The following ANK2 variants were observed in gnomAD, a reference collection of about 807,000 sequenced individuals.
ANK2 encodes ankyrin-2.
Under a neutral mutation model 360.5 loss-of-function variants are expected in ANK2, and 83 were observed. The observed-to-expected ratio is 0.23, with a 90% confidence interval of 0.19 to 0.28. The LOEUF (loss-of-function observed/expected upper bound fraction) is 0.28. Among genes scored for constraint, ANK2 ranks in the 10% least tolerant of loss-of-function variants. ANK2 has a pLI of 1.00. For synonymous variants in ANK2, 1,740 were observed against 1,759.5 expected, an observed-to-expected ratio of 0.99 and a Z score of 0.28; for missense variants, 4,201 against 4,795.7, an observed-to-expected ratio of 0.88 and a Z score of 3.66.
intron 2 of ANK2, among the ~76,000 whole-genome samples, chr4:112,934,358 C>T (rs1243045777): frequency 1.3e-5 from 2 of 152,216 alleles, no homozygotes; most frequent in Non-Finnish European, 2.9e-5. Context: ...GAGAAACATT[C>T]CAGCTGTCTG....
Position 112,870,160 on chromosome 4 carries a change from G to A in ANK2, c.-39-34295G>A, listed in dbSNP as rs144545068. The stretch of plus-strand genomic sequence containing the variant: ...ACTACAGGTGCCCGCCACCACACCC[G>A]GCTAATTTTTGTATTTAGAGATGGG... On this transcript the variant is annotated intron_variant, in intron 1 of 30. Transcript: ENST00000503271. Among the ~76,000 whole-genome samples, 1,088 of 151,776 alleles carry A rather than the reference G, an allele frequency of 7.2e-3. 12 individuals carry two copies. The highest frequency in any genetic ancestry group is 0.024 in the African/African-American group (988 of 41,414).
At chr4:112,766,382 A>G in the ANK2 span, among the ~76,000 whole-genome samples, 1 of 152,076 alleles carries the variant, frequency 6.6e-6, no homozygotes, top group African/African-American at 2.4e-5. Flanking sequence ...TGTAAAGCAG[A>G]CTATTTTGCC....
chr4:112,813,234 T>C (rs1299577212), upstream of ANK2, among the ~76,000 whole-genome samples: 1 of 94,194 alleles, frequency 1.1e-5, no homozygotes, highest in Non-Finnish European at 2.2e-5. Flanking sequence ...TGAGACTCTG[T>C]CTAAAAAAAA....
intron 1 of ANK2, among the ~76,000 whole-genome samples, chr4:112,832,883 G>T (rs548447968): frequency 6.6e-6 from 1 of 152,322 alleles, no homozygotes; most frequent in Non-Finnish European, 1.5e-5. Flanking sequence ...CTGTATACTT[G>T]TGTTTAAGCA....
At chr4:113,034,363 T>A (rs549918764) in intron 2 of ANK2, among the ~76,000 whole-genome samples, 56 of 152,106 alleles carry the variant, frequency 3.7e-4, no homozygotes, top group African/African-American at 1.3e-3. Flanking sequence ...ATCTATTCAA[T>A]TGATCAAGAA....
the ANK2 span, among the ~76,000 whole-genome samples, chr4:112,784,117 G>T: frequency 6.6e-6 from 1 of 152,010 alleles, no homozygotes; most frequent in Non-Finnish European, 1.5e-5. Flanking sequence ...ATTTTCTTGT[G>T]ATAAGCAATG....
At chr4:113,262,228 T>G (rs2053334835) in intron 13 of ANK2, among the ~76,000 whole-genome samples, 1 of 152,110 alleles carries the variant, frequency 6.6e-6, no homozygotes, top group Non-Finnish European at 1.5e-5. Flanking sequence ...TTGAGGAGTA[T>G]TGTTTTTGTT....
chr4:113,043,823 A>T (rs983027557), intron 2 of ANK2, among the ~76,000 whole-genome samples: 1 of 152,144 alleles, frequency 6.6e-6, no homozygotes, highest in African/African-American at 2.4e-5. Context: ...GACACAAAGG[A>T]TTTATTGAGG....
chr4:112,711,849 T>G, the ANK2 span, among the ~76,000 whole-genome samples: 1 of 148,806 alleles, frequency 6.7e-6, no homozygotes, highest in Non-Finnish European at 1.5e-5. Context: ...AAAATAAAAA[T>G]AAAAAATAAA....
intron 1 of ANK2, among the ~76,000 whole-genome samples, chr4:112,828,787 T>C (rs1264683504): frequency 6.6e-6 from 1 of 152,204 alleles, no homozygotes; most frequent in African/African-American, 2.4e-5. Flanking sequence ...CAAAAGTCTA[T>C]GTATCCAGCA....
rs1226499086 is a variant in ANK2 at position 113,365,094 on chromosome 4, C to G, written c.10944C>G (p.Leu3648=). 1 of 1,614,026 alleles carries G rather than the reference C, an allele frequency of 6.2e-7. No individual in the cohort carries two copies. Among genetic ancestry groups the G allele is most frequent in the Middle Eastern group, 1.6e-4 (1 of 6,062 alleles). ...TCAACCGAATGGATATTGTTCATCT[C>G]ATGGAGACCAACACAGAACCTCTCC... The part of the protein sequence containing the change: ...TKINRMDIVH[L]METNTEPLQE... The change falls in exon 41 of 46, where the codon CTC becomes CTG. Residue 3648 remains leucine, a synonymous_variant. Coordinates refer to ENST00000357077, the MANE Select transcript of ANK2 (RefSeq NM_001148.6).
At chr4:112,849,002 G>A (rs1328744765) in intron 1 of ANK2, among the ~76,000 whole-genome samples, 1 of 152,202 alleles carries the variant, frequency 6.6e-6, no homozygotes, top group Non-Finnish European at 1.5e-5. Flanking sequence ...ATTTATCCTG[G>A]AGTGTTTTGT....
chr4:113,039,220 C>T (rs2062321040), intron 2 of ANK2, among the ~76,000 whole-genome samples: 1 of 151,586 alleles, frequency 6.6e-6, no homozygotes, highest in Non-Finnish European at 1.5e-5. Context: ...CCTTTGCCAT[C>T]TATTTTTTTT....
At chr4:112,964,487 G>C (rs1228611742) in intron 2 of ANK2, among the ~76,000 whole-genome samples, 1 of 151,698 alleles carries the variant, frequency 6.6e-6, no homozygotes, top group Admixed American at 6.6e-5. Context: ...TTCCATCCAG[G>C]TTGTTGCAAA....
intron 2 of ANK2, among the ~76,000 whole-genome samples, chr4:112,964,002 CTTATG>C (rs1465290363): frequency 4.6e-5 from 7 of 151,224 alleles, no homozygotes; most frequent in African/African-American, 1.5e-4. Flanking sequence ...TTATTGAATT[CTTATG>C]TTATTTATAA....
At chr4:113,129,152 A>T (rs1197867660) in intron 1 of ANK2, among the ~76,000 whole-genome samples, 1 of 152,212 alleles carries the variant, frequency 6.6e-6, no homozygotes, top group African/African-American at 2.4e-5. Flanking sequence ...TACTAATAGA[A>T]ATAAATAATT....
chr4:113,129,459 G>A (rs1404037360), intron 1 of ANK2, among the ~76,000 whole-genome samples: 1 of 152,128 alleles, frequency 6.6e-6, no homozygotes, highest in African/African-American at 2.4e-5. Flanking sequence ...TAGAAAAAAA[G>A]ATTATGTTAT....
chr4:113,302,421 G>A (rs1008783813), intron 22 of ANK2, among the ~76,000 whole-genome samples: 59 of 152,100 alleles, frequency 3.9e-4, no homozygotes, highest in African/African-American at 1.3e-3. Context: ...TTCTGGAAAC[G>A]TCACTTAGTT....
the ANK2 span, among the ~76,000 whole-genome samples, chr4:112,728,576 C>A: frequency 5.9e-5 from 9 of 151,920 alleles, no homozygotes; most frequent in Admixed American, 5.9e-4. Flanking sequence ...AATGGCAAAA[C>A]CCTGTCTCTA....
Sources: gnomAD v4.1 joint callset for allele counts (sites outside exome capture counted in the v4.1 genomes callset) on GRCh38, gnomAD v4.1.1 for gene constraint, MANE v1.5 for transcripts, NCBI Gene and HGNC (gene_info 2026-07-23, HGNC 2026-07-21) for gene names.